The following CNTNAP2 variants were observed in gnomAD, a reference collection of about 807,000 sequenced individuals.
CNTNAP2 encodes contactin associated protein 2, also known as contactin-associated protein-like 2.
In CNTNAP2, 98 loss-of-function variants were observed where a neutral mutation model predicts 155.2. The ratio of observed to expected loss-of-function variants is 0.63; its 90% CI spans 0.54 to 0.75. The LOEUF is 0.75. Ranked by LOEUF, CNTNAP2 falls within the 30% of genes least tolerant of loss-of-function variation. The pLI is 0.00. For missense variants in CNTNAP2, 1,727 were observed against 1,688.1 expected (o/e 1.02, Z -0.40); for synonymous variants, 651 against 631.2 (o/e 1.03, Z -0.47).
intron 3 of CNTNAP2, among the ~76,000 whole-genome samples, chr7:146,912,495 G>C (rs1035052243): frequency 7.2e-5 from 11 of 151,944 alleles, no homozygotes; most frequent in African/African-American, 2.2e-4. Context: ...AGTTTAGCAG[G>C]GCCTCAGGGT....
At chr7:148,097,114 C>G (rs1193843269) in intron 15 of CNTNAP2, among the ~76,000 whole-genome samples, 3 of 152,040 alleles carry the variant, frequency 2.0e-5, no homozygotes, top group Non-Finnish European at 4.4e-5. Context: ...AACTTCAGTT[C>G]ATATGGGAAA....
chr7:148,076,319 C>A (rs553908061), intron 15 of CNTNAP2, among the ~76,000 whole-genome samples: 47 of 151,548 alleles, frequency 3.1e-4, no homozygotes, highest in African/African-American at 9.9e-4. Flanking sequence ...TGAACACCTC[C>A]AATGTGTAGG....
chr7:148,412,482 C>T (rs936047754), intron 23 of CNTNAP2, among the ~76,000 whole-genome samples: 4 of 152,208 alleles, frequency 2.6e-5, no homozygotes, highest in Admixed American at 2.6e-4. Flanking sequence ...CTTACTATTT[C>T]ATTAATTTCA....
At chr7:147,600,675 T>G (rs2116859330) in intron 12 of CNTNAP2, among the ~76,000 whole-genome samples, 1 of 152,284 alleles carries the variant, frequency 6.6e-6, no homozygotes, top group African/African-American at 2.4e-5. Flanking sequence ...GCTCCACCTT[T>G]TCTGGCATAG....
At chr7:147,581,819 C>A (rs1800505972) in intron 12 of CNTNAP2, among the ~76,000 whole-genome samples, 1 of 152,074 alleles carries the variant, frequency 6.6e-6, no homozygotes, top group African/African-American at 2.4e-5. Flanking sequence ...ATATACAAAG[C>A]AGAGAACTTA....
intron 1 of CNTNAP2, among the ~76,000 whole-genome samples, chr7:146,446,317 C>T (rs1392160813): frequency 1.3e-5 from 2 of 152,082 alleles, no homozygotes; most frequent in Non-Finnish European, 2.9e-5. Context: ...TTTAGAGGAT[C>T]GTGGCTGTGA....
chr7:147,745,006 G>A (rs934130816), intron 13 of CNTNAP2, among the ~76,000 whole-genome samples: 14 of 152,000 alleles, frequency 9.2e-5, no homozygotes, highest in Admixed American at 6.6e-5. Flanking sequence ...AAGTTTTTAG[G>A]TGAACCATAA....
At chr7:146,233,829 T>C (rs995472026) in intron 1 of CNTNAP2, among the ~76,000 whole-genome samples, 9 of 151,474 alleles carry the variant, frequency 5.9e-5, no homozygotes, top group Admixed American at 2.6e-4. Flanking sequence ...TATTCCATGG[T>C]GTATATGTGC....
At chr7:146,382,027 C>T (rs1031754787) in intron 1 of CNTNAP2, among the ~76,000 whole-genome samples, 3 of 152,118 alleles carry the variant, frequency 2.0e-5, no homozygotes, top group African/African-American at 7.2e-5. Context: ...TGAGTTTCTT[C>T]AGGTTGCTGT....
intron 1 of CNTNAP2, among the ~76,000 whole-genome samples, chr7:146,369,869 G>T (rs1795208617): frequency 6.6e-6 from 1 of 152,012 alleles, no homozygotes; most frequent in African/African-American, 2.4e-5. Flanking sequence ...TACACAAATG[G>T]CTCATATTTA....
At chr7:146,369,670 A>G (rs536108128) in intron 1 of CNTNAP2, among the ~76,000 whole-genome samples, 5 of 152,192 alleles carry the variant, frequency 3.3e-5, no homozygotes, top group Admixed American at 2.0e-4. Context: ...AACACTGAGC[A>G]TATGTTTAAA....
chr7:148,001,199 C>T (rs1801890103), intron 15 of CNTNAP2, among the ~76,000 whole-genome samples: 1 of 152,118 alleles, frequency 6.6e-6, no homozygotes, highest in African/African-American at 2.4e-5. Flanking sequence ...ATTCAACCTG[C>T]TACAATGGCC....
chr7:147,957,508 G>A (rs573557310), intron 14 of CNTNAP2, among the ~76,000 whole-genome samples: 1 of 152,202 alleles, frequency 6.6e-6, no homozygotes, highest in Non-Finnish European at 1.5e-5. Context: ...CTAAGTCAAG[G>A]GTATCACCAG....
Position 146,773,756 on chromosome 7 carries a change from A to T in CNTNAP2, c.98-515A>T, listed in dbSNP as rs143585072. Among the ~76,000 whole-genome samples, 5 of 152,288 alleles carry T rather than the reference A, an allele frequency of 3.3e-5. No homozygotes were observed. In the East Asian group the frequency reaches 9.7e-4, roughly 29 times the overall value. Reference sequence around the variant, plus strand: ...TCTGCCTTGATAAGTGTGCAATATCATCTAGAGGTATAATATTTCACACCA... The same window carrying T: ...TCTGCCTTGATAAGTGTGCAATATCTTCTAGAGGTATAATATTTCACACCA... On this transcript the variant is annotated intron_variant, in intron 1 of 23. Transcript: ENST00000361727.
At chr7:147,241,654 A>AG (rs1803941387) in intron 8 of CNTNAP2, among the ~76,000 whole-genome samples, 1 of 151,856 alleles carries the variant, frequency 6.6e-6, no homozygotes, top group Non-Finnish European at 1.5e-5. Context: ...AAAAAAAAAA[A>AG]AAGAAATTGT....
chr7:146,827,826 A>T (rs1442733426), intron 2 of CNTNAP2, among the ~76,000 whole-genome samples: 1 of 152,030 alleles, frequency 6.6e-6, no homozygotes, highest in Non-Finnish European at 1.5e-5. Flanking sequence ...TACATACAAC[A>T]TGAAGCTCCT....
intron 9 of CNTNAP2, among the ~76,000 whole-genome samples, chr7:147,358,881 T>C (rs955697976): frequency 6.6e-6 from 1 of 152,130 alleles, no homozygotes; most frequent in Non-Finnish European, 1.5e-5. Flanking sequence ...TTGTTAAAGC[T>C]GTTTACTCCT....
At chr7:147,414,941 C>CTAAA (rs1797165959) in intron 10 of CNTNAP2, among the ~76,000 whole-genome samples, 1 of 50,980 alleles carries the variant, frequency 2.0e-5, no homozygotes, top group Non-Finnish European at 3.8e-5. Context: ...GACTCCTTCT[C>CTAAA]AAAAAAAAAA....
chr7:146,779,464 A>T (rs1802444790), intron 2 of CNTNAP2, among the ~76,000 whole-genome samples: 1 of 152,184 alleles, frequency 6.6e-6, no homozygotes, highest in African/African-American at 2.4e-5. Context: ...CAGATGAGGT[A>T]ATATCAGTGC....
Sources: allele counts gnomAD v4.1 joint callset (sites outside exome capture counted in the v4.1 genomes callset), GRCh38; gene constraint gnomAD v4.1.1; transcripts MANE v1.5; gene names NCBI Gene and HGNC (gene_info 2026-07-23, HGNC 2026-07-21).